Variants in NFAT5 observed in about 807,000 individuals in gnomAD.
NFAT5 encodes nuclear factor of activated T-cells 5.
NFAT5 carries 31 observed loss-of-function variants against 166.5 expected under a neutral mutation model. The ratio of observed to expected loss-of-function variants is 0.19; its 90% CI spans 0.14 to 0.25. The LOEUF is 0.25. Ranked by LOEUF, NFAT5 falls within the 10% of genes least tolerant of loss-of-function variation. The probability of loss-of-function intolerance (pLI) is 1.00; values close to 1 mark genes in which losing one functional copy is unlikely to be tolerated. For synonymous variants in NFAT5, 612 were observed against 639.7 expected, an observed-to-expected ratio of 0.96 and a Z score of 0.65; for missense variants, 1,449 against 1,821.8, an observed-to-expected ratio of 0.80 and a Z score of 3.72.
At chr16:69,614,667 A>G (rs1358692251) in intron 2 of NFAT5, among the ~76,000 whole-genome samples, 1 of 152,194 alleles carries the variant, frequency 6.6e-6, no homozygotes, top group Non-Finnish European at 1.5e-5. Context: ...TAACCACAAT[A>G]TAGCTATCAA....
chr16:69,630,298 C>T (rs544595943), intron 3 of NFAT5, among the ~76,000 whole-genome samples: 101 of 152,182 alleles, frequency 6.6e-4, no homozygotes, highest in Non-Finnish European at 1.2e-3. Flanking sequence ...TCCTAAAGTG[C>T]TGGGATTACA....
chr16:69,599,057 G>A (rs2032978071), intron 2 of NFAT5, among the ~76,000 whole-genome samples: 1 of 150,366 alleles, frequency 6.7e-6, no homozygotes, highest in South Asian at 2.1e-4. Flanking sequence ...GTATGGGATT[G>A]ACAAGTCCAT....
At chr16:69,633,204 G>T (rs1284163308) in intron 3 of NFAT5, among the ~76,000 whole-genome samples, 2 of 151,822 alleles carry the variant, frequency 1.3e-5, no homozygotes, top group Non-Finnish European at 2.9e-5. Context: ...TATAAATATT[G>T]TGATTTATTC....
intron 2 of NFAT5, among the ~76,000 whole-genome samples, chr16:69,621,622 G>A (rs935414749): frequency 1.3e-5 from 2 of 152,066 alleles, no homozygotes; most frequent in African/African-American, 4.8e-5. Flanking sequence ...TAGATACTGT[G>A]GCATAACATG....
At position 69,691,791 on chromosome 16, in the gene NFAT5, A is replaced by G; in HGVS notation, c.1966A>G (p.Ile656Val). The change falls in exon 13 of 15, where the codon ATC (isoleucine) becomes GTC (valine). Residue 656 changes from isoleucine to valine, a missense_variant. Around this residue, in one of 7 missense-constraint regions of NFAT5, gnomAD observed 245 missense variants for 366.6 expected, o/e 0.67. Transcript: ENST00000349945. The stretch of plus-strand genomic sequence containing the variant: ...ATCAACTCAGCAAACATTAGAAAAC[A>G]TCTCAAACATAGCAGGAAATGGCTC... The part of the protein sequence containing the change: ...VGSTQQTLEN[I>V]SNIAGNGSFS... 3.1e-6 allele frequency: 5 copies of G among 1,614,120 alleles called. No individual in the cohort carries two copies. Among genetic ancestry groups the G allele is most frequent in the Non-Finnish European group, 4.2e-6 (5 of 1,180,012 alleles).
intron 7 of NFAT5, among the ~76,000 whole-genome samples, chr16:69,669,131 G>A (rs2036523608): frequency 6.6e-6 from 1 of 152,144 alleles, no homozygotes; most frequent in Non-Finnish European, 1.5e-5. Flanking sequence ...CTGGGCTCAA[G>A]TGATCCTTCA....
chr16:69,621,946 CAGTG>C (rs1243433143), intron 2 of NFAT5, among the ~76,000 whole-genome samples: 2 of 150,868 alleles, frequency 1.3e-5, no homozygotes, highest in Admixed American at 1.3e-4. Context: ...CTGGATGACA[CAGTG>C]AGACCCTGAC....
intron 2 of NFAT5, among the ~76,000 whole-genome samples, chr16:69,579,082 G>T: frequency 6.6e-6 from 1 of 152,012 alleles, no homozygotes. Flanking sequence ...CACCATATTG[G>T]CCGGGCTGGT....
chr16:69,579,117 G>C (rs1294106941), intron 2 of NFAT5, among the ~76,000 whole-genome samples: 1 of 151,996 alleles, frequency 6.6e-6, no homozygotes, highest in Non-Finnish European at 1.5e-5. Flanking sequence ...CTTGTGATCC[G>C]CCTGTCTCAG....
chr16:69,566,158 T>G lies in NFAT5; in HGVS notation c.-144T>G. On this transcript the variant is annotated 5_prime_UTR_variant, in exon 1 of 15. Coordinates refer to ENST00000349945, the MANE Select transcript of NFAT5 (RefSeq NM_138713.4). The surrounding 1 kb of genome is among the most constrained non-coding windows in gnomAD (Gnocchi z 5.7). ...TCCTCGGTCCTCGGCCCAGTGGAAGTCACTACCCTCGAGGAGGAGGCAGCG... is the reference window on the plus strand; with the variant it reads ...TCCTCGGTCCTCGGCCCAGTGGAAGGCACTACCCTCGAGGAGGAGGCAGCG... 1.6e-6 allele frequency: 1 copy of G among 640,974 alleles called. No homozygotes were observed. Among genetic ancestry groups the G allele is most frequent in the Non-Finnish European group, 2.7e-6 (1 of 375,388 alleles). 39.7% of individuals were successfully genotyped at this position (640,974 alleles called of 1,614,324 possible).
intron 7 of NFAT5, among the ~76,000 whole-genome samples, chr16:69,664,748 T>C (rs2036291514): frequency 6.6e-6 from 1 of 151,724 alleles, no homozygotes; most frequent in Non-Finnish European, 1.5e-5. Context: ...AATAACTTGG[T>C]CGGGCGCAGT....
chr16:69,661,569 G>GAAAAAAAAAAAAAAAAAAAA (rs1187473064), intron 7 of NFAT5, among the ~76,000 whole-genome samples: 7 of 92,046 alleles, frequency 7.6e-5, no homozygotes, highest in Admixed American at 2.3e-4. Flanking sequence ...AAAAAAAAAG[G>GAAAAAAAAAAAAAAAAAAAA]AAATTGTTCA....
intron 10 of NFAT5, among the ~76,000 whole-genome samples, chr16:69,681,983 AG>A (rs1426813384): frequency 2.0e-5 from 3 of 151,936 alleles, no homozygotes; most frequent in African/African-American, 7.2e-5. Context: ...CATGGTCTAA[AG>A]GTAGGGTCAA....
intron 5 of NFAT5, 132 bp from the exon 6 acceptor site, chr16:69,655,477 T>C: frequency 3.1e-6 from 2 of 637,308 alleles, no homozygotes; most frequent in Non-Finnish European, 4.7e-6. Flanking sequence ...TATCTCTATT[T>C]TTCTTGAAGA....
intron 3 of NFAT5, among the ~76,000 whole-genome samples, 191 bp from the exon 4 acceptor site, chr16:69,646,837 G>T (rs1444002194): frequency 6.6e-6 from 1 of 152,046 alleles, no homozygotes; most frequent in Admixed American, 6.6e-5. Context: ...AATGCTATTT[G>T]GGCATTTTTA....
chr16:69,670,438 C>T (rs2036578928), intron 9 of NFAT5, 150 bp downstream of exon 9: 1 of 560,668 alleles, frequency 1.8e-6, no homozygotes, highest in Non-Finnish European at 3.1e-6. Context: ...GTTTCTTTAA[C>T]TGAAATAGAA....
intron 2 of NFAT5, among the ~76,000 whole-genome samples, chr16:69,596,666 C>T (rs988453092): frequency 2.7e-5 from 4 of 150,108 alleles, no homozygotes; most frequent in Admixed American, 6.7e-5. Context: ...TGCAGTGAGC[C>T]GAGATCGCGC....
intron 3 of NFAT5, among the ~76,000 whole-genome samples, chr16:69,628,600 C>A (rs2034570715): frequency 6.6e-6 from 1 of 152,104 alleles, no homozygotes; most frequent in South Asian, 2.1e-4. Flanking sequence ...TTAAGGAAAT[C>A]AGTATATATC....
At chr16:69,583,022 T>C (rs1045201303) in intron 2 of NFAT5, among the ~76,000 whole-genome samples, 1 of 151,656 alleles carries the variant, frequency 6.6e-6, no homozygotes, top group Non-Finnish European at 1.5e-5. Flanking sequence ...TTATTTTTTT[T>C]AGATCTTTAT....
Sources: allele counts gnomAD v4.1 joint callset (sites outside exome capture counted in the v4.1 genomes callset), GRCh38; gene constraint gnomAD v4.1.1; regional missense constraint gnomAD v4.1.1; non-coding constraint Gnocchi (gnomAD v3.1); transcripts MANE v1.5; gene names NCBI Gene and HGNC (gene_info 2026-07-23, HGNC 2026-07-21).